CNIH3: variants seen among roughly 807,000 people sequenced by gnomAD.
CNIH3 encodes the protein protein cornichon homolog 3.
In CNIH3, 14 loss-of-function variants were observed where a neutral mutation model predicts 24.1. That is an observed-to-expected ratio of 0.58 (90% CI 0.38 to 0.91). The LOEUF is 0.91. Ranked by LOEUF, CNIH3 falls within the 40% of genes least tolerant of loss-of-function variation. The probability of loss-of-function intolerance (pLI) is 0.00; values close to 1 mark genes in which losing one functional copy is unlikely to be tolerated. For missense variants in CNIH3, 178 were observed against 196.8 expected, an observed-to-expected ratio of 0.90 and a Z score of 0.57; for synonymous variants, 68 against 73.8, an observed-to-expected ratio of 0.92 and a Z score of 0.40.
intron 3 of CNIH3, among the ~76,000 whole-genome samples, chr1:224,605,293 C>T (rs1232310569): frequency 2.0e-5 from 3 of 152,188 alleles, no homozygotes; most frequent in African/African-American, 7.2e-5. Flanking sequence ...ATTTGGCTGC[C>T]TCCTGTTGCT....
At chr1:224,738,896 C>A (rs1689727354) in intron 5 of CNIH3, among the ~76,000 whole-genome samples, 1 of 152,236 alleles carries the variant, frequency 6.6e-6, no homozygotes, top group African/African-American at 2.4e-5. Context: ...ATCTTTCCCC[C>A]AGCACTACCG....
intron 3 of CNIH3, among the ~76,000 whole-genome samples, chr1:224,701,050 A>G (rs1172289826): frequency 1.3e-5 from 2 of 152,314 alleles, no homozygotes; most frequent in East Asian, 3.9e-4. Flanking sequence ...GCATTGACCC[A>G]TGCTGGGGCT....
chr1:224,435,270 A>C, intron 1 of CNIH3: 1 of 951,506 alleles, frequency 1.1e-6, no homozygotes, highest in Non-Finnish European at 1.3e-6. Flanking sequence ...CTCAATGGTA[A>C]CCAGGACCGA....
At chr1:224,506,285 G>A (rs4996508) in intron 1 of CNIH3, among the ~76,000 whole-genome samples, 6,418 of 143,474 alleles carry the variant, frequency 0.045, 174 homozygotes, top group East Asian at 0.1. Context: ...GCGCGCGCGC[G>A]CGCACACACA....
At chr1:224,483,311 C>T (rs1490822822) in intron 1 of CNIH3, among the ~76,000 whole-genome samples, 1 of 151,896 alleles carries the variant, frequency 6.6e-6, no homozygotes, top group African/African-American at 2.4e-5. Context: ...GATTGCAGCA[C>T]TGCACTCCAG....
At chr1:224,495,033 C>T (rs1250226589) in intron 1 of CNIH3, among the ~76,000 whole-genome samples, 2 of 152,288 alleles carry the variant, frequency 1.3e-5, no homozygotes, top group East Asian at 3.9e-4. Flanking sequence ...CTCATACACG[C>T]ATGCACACAT....
chr1:224,444,180 T>C (rs1032255756), intron 1 of CNIH3, among the ~76,000 whole-genome samples: 4 of 152,074 alleles, frequency 2.6e-5, no homozygotes, highest in Non-Finnish European at 5.9e-5. Context: ...TATATAGCTC[T>C]AAAAGATAAA....
chr1:224,438,502 A>G (rs994808973), intron 1 of CNIH3, among the ~76,000 whole-genome samples: 21 of 152,248 alleles, frequency 1.4e-4, no homozygotes, highest in Non-Finnish European at 2.9e-4. Context: ...CTGTCCAGAT[A>G]TAAGTGTGGT....
chr1:224,706,966 T>C (rs1461191050), intron 3 of CNIH3, among the ~76,000 whole-genome samples: 39 of 138,606 alleles, frequency 2.8e-4, no homozygotes, highest in Non-Finnish European at 6.2e-5. Flanking sequence ...TTCTTTTTTT[T>C]TTTTTTTTTT....
upstream of CNIH3, among the ~76,000 whole-genome samples, chr1:224,511,690 T>TA (rs1334957020): frequency 2.0e-5 from 3 of 151,410 alleles, no homozygotes; most frequent in Admixed American, 1.3e-4. Context: ...TCCTTGCCTA[T>TA]AAAAAATTAA....
At chr1:224,732,880 C>G (rs1027066736) in intron 4 of CNIH3, among the ~76,000 whole-genome samples, 27 of 151,918 alleles carry the variant, frequency 1.8e-4, no homozygotes, top group African/African-American at 6.5e-4. Context: ...TTTGTCTTAC[C>G]TTTTTTTTGA....
chr1:224,526,323 C>G (rs910170971), intron 2 of CNIH3, among the ~76,000 whole-genome samples: 3 of 152,058 alleles, frequency 2.0e-5, no homozygotes, highest in Admixed American at 6.6e-5. Flanking sequence ...GTGATTAAGC[C>G]ACAAGGGCAA....
intron 3 of CNIH3, chr1:224,717,623 C>T (rs776405377): frequency 4.6e-5 from 7 of 152,188 alleles, no homozygotes; most frequent in East Asian, 1.9e-4. Context: ...CTTAGGTTTT[C>T]GGTTTATCTC....
chr1:224,513,894 G>A (rs1363202466), upstream of CNIH3: 1 of 152,236 alleles, frequency 6.6e-6, no homozygotes, highest in African/African-American at 2.4e-5. Flanking sequence ...GGGCCAGCAG[G>A]GGGCACCAAA....
At chr1:224,571,679 C>T (rs1288910857) in intron 4 of CNIH3, among the ~76,000 whole-genome samples, 2 of 152,192 alleles carry the variant, frequency 1.3e-5, no homozygotes, top group East Asian at 1.9e-4. Flanking sequence ...GAGGCGAGAT[C>T]GCACCACTGC....
chr1:224,590,806 G>A (rs10082162), downstream of CNIH3, among the ~76,000 whole-genome samples: 3,067 of 98,268 alleles, frequency 0.031, 75 homozygotes, highest in African/African-American at 0.1. Flanking sequence ...CTTCCCCACC[G>A]CCCCGCCCCC....
chr1:224,670,042 G>T (rs1201778259), intron 1 of CNIH3, among the ~76,000 whole-genome samples: 1 of 152,108 alleles, frequency 6.6e-6, no homozygotes, highest in Non-Finnish European at 1.5e-5. Context: ...ACCAGTTGAG[G>T]TAGAGATTAT....
At chr1:224,434,850 C>G in exon 1 of CNIH3, 1 of 985,482 alleles carries the variant, frequency 1.0e-6, no homozygotes, top group African/African-American at 1.7e-5. Flanking sequence ...TCCTCACTCA[C>G]TTCCGGTGGC....
intron 2 of CNIH3, among the ~76,000 whole-genome samples, chr1:224,530,877 C>G (rs184721119): frequency 1.8e-3 from 279 of 152,296 alleles, no homozygotes; most frequent in Non-Finnish European, 3.2e-3. Flanking sequence ...GGATTATAGG[C>G]GTGAGCCACT....
Sources: allele counts gnomAD v4.1 joint callset (sites outside exome capture counted in the v4.1 genomes callset), GRCh38; gene constraint gnomAD v4.1.1; transcripts MANE v1.5; gene names NCBI Gene and HGNC (gene_info 2026-07-23, HGNC 2026-07-21).